Variants in GPR158 observed in about 807,000 individuals in gnomAD.
GPR158 encodes G protein-coupled receptor 158.
A neutral mutation model predicts 78.2 loss-of-function variants in GPR158; 30 were observed. The observed-to-expected ratio is 0.38, with a 90% CI of 0.29 to 0.52. The LOEUF (loss-of-function observed/expected upper bound fraction) is 0.52, where lower values mean the gene tolerates loss of function less well. GPR158 is among the 20% of genes least tolerant of loss of function. The pLI is 0.83. For synonymous variants in GPR158, 581 were observed against 591.1 expected (o/e 0.98, Z 0.25); for missense variants, 1,463 against 1,523.5 (o/e 0.96, Z 0.66).
intron 2 of GPR158, among the ~76,000 whole-genome samples, chr10:25,224,392 G>T (rs1202712795): frequency 4.0e-5 from 6 of 151,328 alleles, no homozygotes; most frequent in Admixed American, 2.0e-4. Context: ...TAAATTTAGA[G>T]TGTATATACA....
chr10:25,583,460 G>C (rs1203889875), intron 7 of GPR158, among the ~76,000 whole-genome samples: 1 of 152,068 alleles, frequency 6.6e-6, no homozygotes, highest in Non-Finnish European at 1.5e-5. Flanking sequence ...TAACCACCCA[G>C]AATATCTAGG....
chr10:25,537,819 T>C (rs535304255), intron 5 of GPR158, among the ~76,000 whole-genome samples: 7 of 152,198 alleles, frequency 4.6e-5, no homozygotes, highest in African/African-American at 1.4e-4. Context: ...GCACCTCCTC[T>C]TTCACTCCCT....
Position 25,490,349 on chromosome 10 carries a change from A to C in GPR158, c.1404+23630A>C, listed in dbSNP as rs550680341. Among the ~76,000 whole-genome samples the C allele has an allele frequency of 6.7e-5, 10 of 148,774 alleles. No individual in the cohort carries two copies. The South Asian group carries it at 1.5e-3, about 23-fold the overall frequency. On this transcript the variant is annotated intron_variant, in intron 5 of 10. Transcript: ENST00000376351. ...GGTACATGTGCACATTGTGCAGGTT[A>C]GTTACATATGTATACATGTGCCATG...
chr10:25,418,934 A>G (rs373419287), intron 4 of GPR158, among the ~76,000 whole-genome samples: 36 of 151,682 alleles, frequency 2.4e-4, no homozygotes, highest in Middle Eastern at 3.5e-3. Flanking sequence ...ATTTAATAAC[A>G]ATGCTAATTT....
intron 2 of GPR158, among the ~76,000 whole-genome samples, chr10:25,241,365 T>TTCTTTTC (rs1443130085): frequency 7.9e-6 from 1 of 126,522 alleles, no homozygotes; most frequent in African/African-American, 3.6e-5. Context: ...CTTTTCTCTT[T>TTCTTTTC]TCTTTTCTCT....
At chr10:25,241,619 A>C (rs1037983627) in intron 2 of GPR158, among the ~76,000 whole-genome samples, 5 of 151,826 alleles carry the variant, frequency 3.3e-5, no homozygotes, top group Admixed American at 1.3e-4. Context: ...ATGGGGTTTC[A>C]CCATGTTGGC....
chr10:25,207,275 G>A (rs1452154783), intron 1 of GPR158, among the ~76,000 whole-genome samples: 2 of 152,114 alleles, frequency 1.3e-5, no homozygotes, highest in African/African-American at 4.8e-5. Flanking sequence ...TCTCCCAACA[G>A]GTGCCTTTGC....
intron 1 of GPR158, among the ~76,000 whole-genome samples, chr10:25,211,140 G>GA (rs60869522): frequency 3.8e-3 from 474 of 125,264 alleles, no homozygotes; most frequent in Middle Eastern, 0.012. Context: ...CAAGAAAAAA[G>GA]AAAAAAAAAA....
chr10:25,331,080 G>A (rs1347161832), intron 2 of GPR158, among the ~76,000 whole-genome samples: 3 of 152,046 alleles, frequency 2.0e-5, no homozygotes, highest in Admixed American at 1.3e-4. Flanking sequence ...GGGATTACAG[G>A]TGAATGCCAC....
chr10:25,492,152 A>G (rs1341337151), intron 5 of GPR158, among the ~76,000 whole-genome samples: 1 of 152,138 alleles, frequency 6.6e-6, no homozygotes, highest in Non-Finnish European at 1.5e-5. Context: ...AGAAGATGCC[A>G]GATTCTTTTC....
chr10:25,594,411 A>G lies in GPR158; in HGVS notation c.1998+14A>G. The G allele has an allele frequency of 8.0e-7, 1 of 1,245,134 alleles. No homozygotes were observed. 77.1% of individuals were successfully genotyped at this position (1,245,134 alleles called of 1,614,324 possible). A position where few individuals can be genotyped will look rare whatever the true frequency, so the allele number is the denominator to read the frequency against. Reference sequence around the variant, plus strand: ...TTGATTCCAAAGGTATTCTTCTAATATTACTTTTTTTTTTGCAAAACTTAT... The same window carrying G: ...TTGATTCCAAAGGTATTCTTCTAATGTTACTTTTTTTTTTGCAAAACTTAT... On this transcript the variant is annotated intron_variant, in intron 9 of 10. Transcript: ENST00000376351.
At chr10:25,197,001 G>A (rs1852853050) in intron 1 of GPR158, among the ~76,000 whole-genome samples, 1 of 152,098 alleles carries the variant, frequency 6.6e-6, no homozygotes, top group African/African-American at 2.4e-5. Context: ...CCCCTCCCTG[G>A]CTTATCATCA....
chr10:25,456,065 C>T (rs1835286852), intron 4 of GPR158, among the ~76,000 whole-genome samples: 1 of 152,140 alleles, frequency 6.6e-6, no homozygotes, highest in South Asian at 2.1e-4. Context: ...ATCTAAATAA[C>T]AATCGCTACC....
At chr10:25,528,715 G>A (rs1180778166) in intron 5 of GPR158, among the ~76,000 whole-genome samples, 1 of 152,144 alleles carries the variant, frequency 6.6e-6, no homozygotes, top group East Asian at 1.9e-4. Context: ...TAGAATCATT[G>A]TAATTGTAAT....
intron 5 of GPR158, among the ~76,000 whole-genome samples, chr10:25,502,377 C>T (rs77582960): frequency 0.012 from 1,760 of 152,230 alleles, 23 homozygotes; most frequent in South Asian, 0.026. Flanking sequence ...ATCCTGTACA[C>T]GGTGAACTGA....
intron 2 of GPR158, among the ~76,000 whole-genome samples, chr10:25,383,210 C>G (rs1834180378): frequency 6.6e-6 from 1 of 152,196 alleles, no homozygotes; most frequent in South Asian, 2.1e-4. Context: ...TTAAAAGCTG[C>G]TGCCTTTTTA....
chr10:25,281,440 T>G (rs1196344129), intron 2 of GPR158, among the ~76,000 whole-genome samples: 1 of 147,398 alleles, frequency 6.8e-6, no homozygotes, highest in African/African-American at 2.5e-5. Flanking sequence ...TAGCTGGGCA[T>G]GGTGGCACAT....
chr10:25,484,066 C>A (rs1835699844), intron 5 of GPR158, among the ~76,000 whole-genome samples: 1 of 152,116 alleles, frequency 6.6e-6, no homozygotes, highest in Non-Finnish European at 1.5e-5. Flanking sequence ...AATAAAGAGA[C>A]CGGAATTCTA....
At chr10:25,206,052 C>T (rs1254509328) in intron 1 of GPR158, among the ~76,000 whole-genome samples, 6 of 149,064 alleles carry the variant, frequency 4.0e-5, no homozygotes, top group African/African-American at 1.5e-4. Flanking sequence ...AGTGGCACAT[C>T]TCGGCTCACT....
Sources: gnomAD v4.1 joint callset for allele counts (sites outside exome capture counted in the v4.1 genomes callset) on GRCh38, gnomAD v4.1.1 for gene constraint, MANE v1.5 for transcripts, NCBI Gene and HGNC (gene_info 2026-07-23, HGNC 2026-07-21) for gene names.